SLCO5A1: variants seen among roughly 807,000 people sequenced by gnomAD.
The protein encoded by SLCO5A1 is solute carrier organic anion transporter family member 5A1.
A neutral mutation model predicts 65.1 loss-of-function variants in SLCO5A1; 39 were observed. The ratio of observed to expected loss-of-function variants is 0.60; its 90% confidence interval spans 0.46 to 0.78. SLCO5A1 has a LOEUF of 0.78. Among genes scored for constraint, SLCO5A1 ranks in the 30% least tolerant of loss-of-function variants. The pLI is 0.00. For synonymous variants in SLCO5A1, 438 were observed against 415.7 expected, an observed-to-expected ratio of 1.05 and a Z score of -0.65; for missense variants, 1,029 against 1,069.4, an observed-to-expected ratio of 0.96 and a Z score of 0.53.
At chr8:69,738,694 G>T (rs115115057) in intron 4 of SLCO5A1, among the ~76,000 whole-genome samples, 3,118 of 152,174 alleles carry the variant, frequency 0.02, 101 homozygotes, top group African/African-American at 0.071. Context: ...GATTGTCAAG[G>T]CTCATTATGA....
At chr8:69,761,126 T>C (rs1219370741) in intron 3 of SLCO5A1, among the ~76,000 whole-genome samples, 2 of 152,208 alleles carry the variant, frequency 1.3e-5, no homozygotes, top group Non-Finnish European at 2.9e-5. Flanking sequence ...TCCTTCACTC[T>C]GCTATAAAGG....
intron 5 of SLCO5A1, among the ~76,000 whole-genome samples, chr8:69,726,053 G>A (rs947219303): frequency 6.6e-6 from 1 of 152,206 alleles, no homozygotes; most frequent in Non-Finnish European, 1.5e-5. Context: ...ATCCACATAA[G>A]TAGGTCATGT....
At chr8:69,778,102 G>A (rs888820401) in intron 2 of SLCO5A1, among the ~76,000 whole-genome samples, 1 of 152,102 alleles carries the variant, frequency 6.6e-6, no homozygotes, top group African/African-American at 2.4e-5. Context: ...TTATAGGTAT[G>A]TATACGTATG....
At chr8:69,702,671 C>T (rs1814795996) in intron 6 of SLCO5A1, among the ~76,000 whole-genome samples, 1 of 152,158 alleles carries the variant, frequency 6.6e-6, no homozygotes, top group Middle Eastern at 3.2e-3. Context: ...TTTTGTTATT[C>T]AAATGCAAAG....
At chr8:69,763,653 G>T (rs932627940) in intron 2 of SLCO5A1, among the ~76,000 whole-genome samples, 1 of 112,040 alleles carries the variant, frequency 8.9e-6, no homozygotes, top group Non-Finnish European at 1.9e-5. Flanking sequence ...AAAAAAAAAG[G>T]GTGTATAGCA....
intron 6 of SLCO5A1, among the ~76,000 whole-genome samples, chr8:69,688,692 A>G (rs1213466269): frequency 3.3e-5 from 5 of 152,154 alleles, no homozygotes; most frequent in Admixed American, 6.5e-5. Context: ...GCTGTACAGT[A>G]TTCCATGGTG....
chr8:69,722,776 G>GGTGTGTGTGTGTGT lies in SLCO5A1; in HGVS notation c.1423+15250_1423+15263dup, dbSNP rs56353428. 6.4e-3 allele frequency among the ~76,000 whole-genome samples: 954 copies of GGTGTGTGTGTGTGT among 148,120 alleles called. 15 individuals carry two copies. The highest frequency in any genetic ancestry group is 0.02 in the African/African-American group (820 of 40,302). On this transcript the variant is annotated intron_variant, in intron 5 of 9. Coordinates refer to ENST00000260126, the MANE Select transcript of SLCO5A1 (RefSeq NM_030958.3). Reference sequence around the variant, plus strand: ...TGATGAGATTTGTTAACACATGCATGGTGTGTGTGTGTGTGTGTGTGTGTG... The same window carrying GGTGTGTGTGTGTGT: ...TGATGAGATTTGTTAACACATGCATGGTGTGTGTGTGTGTGTGTGTGTGTGTGTGTGTGTGTGTG...
chr8:69,715,857 C>T lies in SLCO5A1; in HGVS notation c.1424-10628G>A, dbSNP rs1035507676. Among the ~76,000 whole-genome samples the T allele has an allele frequency of 2.6e-5, 4 of 152,092 alleles. 1 individual carries two copies. The East Asian group carries it at 5.8e-4, about 22-fold the overall frequency. On this transcript the variant is annotated intron_variant, in intron 5 of 9. Transcript: ENST00000260126. The stretch of plus-strand genomic sequence containing the variant: ...ATTCACATACTACACAATTTGCCTA[C>T]TTAAAGTGTACAGTTTAATGTTTTT...
At chr8:69,695,342 G>A (rs1429240932) in intron 6 of SLCO5A1, among the ~76,000 whole-genome samples, 2 of 151,854 alleles carry the variant, frequency 1.3e-5, no homozygotes, top group African/African-American at 4.8e-5. Flanking sequence ...TAAAAAATAC[G>A]AAAATTAGCC....
Position 69,712,681 on chromosome 8 carries a change from G to A in SLCO5A1, c.1424-7452C>T, listed in dbSNP as rs976911653. On this transcript the variant is annotated intron_variant, in intron 5 of 9. Transcript: ENST00000260126. Reference sequence around the variant, plus strand: ...TCATCACACCTGTCACTCCTATTGTGTTTATTCTCTATCTTTCTGTTATCT... The same window carrying A: ...TCATCACACCTGTCACTCCTATTGTATTTATTCTCTATCTTTCTGTTATCT... Among the ~76,000 whole-genome samples, 4 of 152,076 alleles carry A rather than the reference G, an allele frequency of 2.6e-5. No homozygotes were observed. The East Asian group carries it at 5.8e-4, about 22-fold the overall frequency.
chr8:69,722,270 T>C (rs1166148586), intron 5 of SLCO5A1, among the ~76,000 whole-genome samples: 1 of 152,174 alleles, frequency 6.6e-6, no homozygotes. Context: ...CAACCTAAAC[T>C]CATGGAGGGA....
intron 2 of SLCO5A1, chr8:69,794,765 G>A (rs1666861161): frequency 5.5e-6 from 1 of 183,204 alleles, no homozygotes; most frequent in African/African-American, 2.4e-5. Context: ...CTGAGACTGG[G>A]TAATTTATAA....
Position 69,833,019 on chromosome 8 carries a change from C to T in SLCO5A1, c.-346G>A, listed in dbSNP as rs983292782. 109 of 309,686 alleles carry T rather than the reference C, an allele frequency of 3.5e-4. 1 individual carries two copies. The East Asian group carries it at 8.8e-3, about 25-fold the overall frequency. 19.2% of individuals were successfully genotyped at this position (309,686 alleles called of 1,614,324 possible). ...TCCGCCGCCGCCGCCGCCGCCGCCGCTGGGCCCGCGGCCAGGAGCGAGTGC... is the reference window on the plus strand; with the variant it reads ...TCCGCCGCCGCCGCCGCCGCCGCCGTTGGGCCCGCGGCCAGGAGCGAGTGC... On this transcript the variant is annotated 5_prime_UTR_variant, in exon 2 of 10. Transcript: ENST00000260126.
In SLCO5A1 at chr8:69,750,512, C is replaced by T. The variant is rs928455098; in HGVS notation, c.1258+4912G>A. ...GTGCCCTGCTTGACCTTCCCAACCT[C>T]ATCTCCCAGGCCTCTGCCACATATG... On this transcript the variant is annotated intron_variant, in intron 4 of 9. Transcript: ENST00000260126. 3.3e-5 allele frequency among the ~76,000 whole-genome samples: 5 copies of T among 152,134 alleles called. 1 individual carries two copies. Among genetic ancestry groups the T allele is most frequent in the South Asian group, 2.1e-4 (1 of 4,834 alleles).
At chr8:69,807,127 A>T (rs1440721039) in intron 2 of SLCO5A1, among the ~76,000 whole-genome samples, 2 of 152,248 alleles carry the variant, frequency 1.3e-5, no homozygotes, top group African/African-American at 4.8e-5. Context: ...ACACAGAGAG[A>T]ACCATTTACT....
chr8:69,762,437 C>T (rs748818567), intron 2 of SLCO5A1, among the ~76,000 whole-genome samples: 5 of 151,968 alleles, frequency 3.3e-5, no homozygotes, highest in Admixed American at 6.6e-5. Context: ...CCACCTGCCT[C>T]GGCCTCCCAA....
chr8:69,730,454 A>G (rs918800825), intron 5 of SLCO5A1, among the ~76,000 whole-genome samples: 1 of 152,224 alleles, frequency 6.6e-6, no homozygotes, highest in African/African-American at 2.4e-5. Flanking sequence ...AGTTCATTTC[A>G]GTTCAAGTTA....
intron 5 of SLCO5A1, among the ~76,000 whole-genome samples, chr8:69,723,081 T>C (rs1228497475): frequency 6.6e-6 from 1 of 152,178 alleles, no homozygotes; most frequent in Non-Finnish European, 1.5e-5. Flanking sequence ...ATGAAAAGCA[T>C]AGCACAAGAC....
At chr8:69,799,523 T>C (rs1000779179) in intron 2 of SLCO5A1, among the ~76,000 whole-genome samples, 1 of 152,238 alleles carries the variant, frequency 6.6e-6, no homozygotes, top group Non-Finnish European at 1.5e-5. Flanking sequence ...TAATATTCTC[T>C]TGATTCCTAT....
Sources: allele counts gnomAD v4.1 joint callset (sites outside exome capture counted in the v4.1 genomes callset), GRCh38; gene constraint gnomAD v4.1.1; transcripts MANE v1.5; gene names NCBI Gene and HGNC (gene_info 2026-07-23, HGNC 2026-07-21).